ROBO2: variants seen among roughly 807,000 people sequenced by gnomAD.
ROBO2 encodes the protein roundabout guidance receptor 2.
Under a neutral mutation model 160.8 loss-of-function variants are expected in ROBO2, and 53 were observed. That is an observed-to-expected ratio of 0.33 (90% confidence interval 0.26 to 0.41). The LOEUF (loss-of-function observed/expected upper bound fraction) is 0.41, where lower values mean the gene tolerates loss of function less well. ROBO2 is among the 10% of genes least tolerant of loss of function. ROBO2 has a pLI of 1.00. For synonymous variants in ROBO2, 664 were observed against 611.7 expected, an observed-to-expected ratio of 1.09 and a Z score of -1.26; for missense variants, 1,577 against 1,722.4, an observed-to-expected ratio of 0.92 and a Z score of 1.49.
In ROBO2 at chr3:76,820,360, A is replaced by T. The variant is rs530312386; in HGVS notation, c.110-277654A>T. On this transcript the variant is annotated intron_variant, in intron 2 of 26. Transcript: ENST00000487694. The stretch of plus-strand genomic sequence containing the variant: ...CTTTCTACTTGAATCAATATGAAAA[A>T]TTTTTTTTTTAAATATAGAGGAGTC... Among the ~76,000 whole-genome samples, 363 of 150,918 alleles carry T rather than the reference A, an allele frequency of 2.4e-3. 1 individual carries two copies. The highest frequency in any genetic ancestry group is 6.8e-3 in the African/African-American group (281 of 41,196).
intron 2 of ROBO2, among the ~76,000 whole-genome samples, chr3:76,392,665 T>C (rs927795948): frequency 5.3e-5 from 8 of 152,188 alleles, no homozygotes; most frequent in Non-Finnish European, 1.2e-4. Flanking sequence ...CAATTTTTTC[T>C]CATCATGAAA....
At chr3:76,814,217 A>G (rs1394472863) in intron 2 of ROBO2, among the ~76,000 whole-genome samples, 2 of 152,178 alleles carry the variant, frequency 1.3e-5, no homozygotes, top group African/African-American at 2.4e-5. Context: ...TTTCAACTCA[A>G]CTGTGGGCAC....
At chr3:77,200,513 A>G (rs945365590) in intron 2 of ROBO2, among the ~76,000 whole-genome samples, 4 of 151,698 alleles carry the variant, frequency 2.6e-5, no homozygotes, top group African/African-American at 9.7e-5. Context: ...AAAGTTTTCC[A>G]AAAACAATAT....
At chr3:76,956,715 C>G (rs945560048) in intron 2 of ROBO2, among the ~76,000 whole-genome samples, 2 of 151,968 alleles carry the variant, frequency 1.3e-5, no homozygotes, top group Non-Finnish European at 2.9e-5. Context: ...CTGCTATGCT[C>G]TAGGCCACTG....
intron 2 of ROBO2, among the ~76,000 whole-genome samples, chr3:77,360,252 A>ACCCC (rs34393190): frequency 1.4e-5 from 2 of 143,816 alleles, no homozygotes; most frequent in African/African-American, 5.2e-5. Context: ...ATGTAATGCA[A>ACCCC]CCCCCCCCCC....
chr3:76,742,015 A>C (rs2093809550), intron 2 of ROBO2, among the ~76,000 whole-genome samples: 1 of 152,032 alleles, frequency 6.6e-6, no homozygotes, highest in Non-Finnish European at 1.5e-5. Context: ...ATAGAGTTTT[A>C]TTTTTATTAT....
chr3:77,304,759 G>T (rs2062954488), intron 2 of ROBO2, among the ~76,000 whole-genome samples: 1 of 152,104 alleles, frequency 6.6e-6, no homozygotes, highest in African/African-American at 2.4e-5. Flanking sequence ...TAGAAAATTT[G>T]ATCTTTTCTG....
chr3:76,697,742 T>G (rs1238560967), intron 2 of ROBO2, among the ~76,000 whole-genome samples: 1 of 152,164 alleles, frequency 6.6e-6, no homozygotes, highest in Non-Finnish European at 1.5e-5. Context: ...CCACTCTTTT[T>G]TGCCTACAAA....
chr3:76,356,466 G>C lies in ROBO2; in HGVS notation c.109+418864G>C, dbSNP rs537720346. On this transcript the variant is annotated intron_variant, in intron 2 of 26. Coordinates refer to the ROBO2 transcript ENST00000487694. ...AATATATACAGAGGAGAAAGTAAGG[G>C]TAGAGAAAGCTATATCATACAAAAG... 1.9e-4 allele frequency among the ~76,000 whole-genome samples: 29 copies of C among 151,586 alleles called. No homozygotes were observed. The South Asian group carries it at 4.8e-3, about 25-fold the overall frequency.
rs114022725 is a variant in ROBO2, at chr3:76,006,335, T to C, written c.109+68733T>C. Among the ~76,000 whole-genome samples, 234 of 152,290 alleles carry C rather than the reference T, an allele frequency of 1.5e-3. 1 individual carries two copies. The highest frequency in any genetic ancestry group is 5.3e-3 in the African/African-American group (221 of 41,576). ...GATAGTGAAATATTGGTTTAAATTCTGGATCTTCCAGTGATAGCTGCCATC... is the reference window on the plus strand; with the variant it reads ...GATAGTGAAATATTGGTTTAAATTCCGGATCTTCCAGTGATAGCTGCCATC... On this transcript the variant is annotated intron_variant, in intron 2 of 26. Transcript: ENST00000487694.
chr3:77,028,519 C>T (rs557737824), intron 2 of ROBO2, among the ~76,000 whole-genome samples: 6 of 152,060 alleles, frequency 3.9e-5, no homozygotes, highest in African/African-American at 1.2e-4. Flanking sequence ...AGTTCAAGAC[C>T]GGCCTGACCA....
At chr3:76,438,417 C>A (rs1391312118) in intron 2 of ROBO2, among the ~76,000 whole-genome samples, 1 of 148,054 alleles carries the variant, frequency 6.8e-6, no homozygotes, top group Non-Finnish European at 1.5e-5. Flanking sequence ...AGTTCACACA[C>A]ACACACACAC....
At chr3:77,588,064 T>C (rs1034634602) in intron 16 of ROBO2, among the ~76,000 whole-genome samples, 1 of 152,102 alleles carries the variant, frequency 6.6e-6, no homozygotes, top group Admixed American at 6.6e-5. Context: ...TCAAAGTTAA[T>C]TTTTAAGTTG....
At chr3:76,255,824 C>T (rs1472558070) in intron 2 of ROBO2, among the ~76,000 whole-genome samples, 3 of 151,728 alleles carry the variant, frequency 2.0e-5, no homozygotes, top group African/African-American at 4.8e-5. Context: ...TAATCACTTT[C>T]CCACGTTATT....
chr3:75,959,083 A>T (rs1948816775), intron 2 of ROBO2, among the ~76,000 whole-genome samples: 1 of 151,808 alleles, frequency 6.6e-6, no homozygotes, highest in Non-Finnish European at 1.5e-5. Flanking sequence ...TGATGACATA[A>T]GTATTTTAAA....
chr3:76,622,249 A>AGAAAGAAAGAAAGAAAGAAGGAAG (rs1560252338), intron 2 of ROBO2, among the ~76,000 whole-genome samples: 1 of 52,676 alleles, frequency 1.9e-5, no homozygotes, highest in Non-Finnish European at 3.8e-5. Context: ...AAAGAAAGAA[A>AGAAAGAAAGAAAGAAAGAAGGAAG]GAAAGAAAGA....
At chr3:76,250,232 A>T (rs759046044) in intron 2 of ROBO2, among the ~76,000 whole-genome samples, 1 of 152,144 alleles carries the variant, frequency 6.6e-6, no homozygotes, top group Admixed American at 6.6e-5. Flanking sequence ...TGTGAATAAA[A>T]GTCTATAACC....
chr3:75,983,411 A>G (rs2107462673), intron 2 of ROBO2, among the ~76,000 whole-genome samples: 1 of 151,626 alleles, frequency 6.6e-6, no homozygotes, highest in Admixed American at 6.6e-5. Flanking sequence ...TTCCCAAAAT[A>G]GACTTAAAAT....
intron 4 of ROBO2, among the ~76,000 whole-genome samples, chr3:77,492,664 G>GA (rs959203708): frequency 1.3e-5 from 2 of 151,628 alleles, no homozygotes; most frequent in Non-Finnish European, 1.5e-5. Flanking sequence ...TTGTATTTAA[G>GA]AAAAAAAATC....
Sources: gnomAD v4.1 joint callset for allele counts (sites outside exome capture counted in the v4.1 genomes callset) on GRCh38, gnomAD v4.1.1 for gene constraint, MANE v1.5 for transcripts, NCBI Gene and HGNC (gene_info 2026-07-23, HGNC 2026-07-21) for gene names.